Variants in GRM3 observed in about 807,000 individuals in gnomAD.
GRM3 encodes the protein glutamate metabotropic receptor 3, also known as metabotropic glutamate receptor 3.
GRM3 carries 26 observed loss-of-function variants against 70.5 expected under a neutral mutation model. The ratio of observed to expected loss-of-function variants is 0.37; its 90% CI spans 0.27 to 0.51. The LOEUF is 0.51. Ranked by LOEUF, GRM3 falls within the 20% of genes least tolerant of loss-of-function variation. The pLI is 0.93. For synonymous variants in GRM3, 443 were observed against 434.9 expected (o/e 1.02, Z -0.23); for missense variants, 859 against 1,123.8 (o/e 0.76, Z 3.37).
At chr7:86,711,782 T>C (rs1412863163) in intron 1 of GRM3, among the ~76,000 whole-genome samples, 1 of 152,084 alleles carries the variant, frequency 6.6e-6, no homozygotes, top group East Asian at 1.9e-4. Flanking sequence ...CCTACCTCCA[T>C]TACACATATA....
intron 1 of GRM3, among the ~76,000 whole-genome samples, chr7:86,675,796 A>T (rs1167342539): frequency 6.6e-6 from 1 of 152,044 alleles, no homozygotes; most frequent in Non-Finnish European, 1.5e-5. Context: ...GTATTTTAAA[A>T]TTTTCCATAG....
intron 4 of GRM3, among the ~76,000 whole-genome samples, chr7:86,849,858 A>C (rs1472984484): frequency 6.6e-6 from 1 of 152,164 alleles, no homozygotes; most frequent in Non-Finnish European, 1.5e-5. Flanking sequence ...TCCCCAACAA[A>C]GAATAGGGAA....
At chr7:86,649,599 C>T (rs1793558099) in intron 1 of GRM3, among the ~76,000 whole-genome samples, 2 of 151,830 alleles carry the variant, frequency 1.3e-5, no homozygotes, top group Admixed American at 1.3e-4. Flanking sequence ...ACTACACACA[C>T]ACATATTTGA....
intron 2 of GRM3, among the ~76,000 whole-genome samples, chr7:86,784,860 T>C (rs1797183636): frequency 6.6e-6 from 1 of 152,174 alleles, no homozygotes; most frequent in Admixed American, 6.5e-5. Context: ...ATAGAAGATA[T>C]TTTTGATAGC....
intron 1 of GRM3, among the ~76,000 whole-genome samples, chr7:86,727,888 C>G (rs1795628862): frequency 6.6e-6 from 1 of 152,138 alleles, no homozygotes; most frequent in African/African-American, 2.4e-5. Context: ...AGCTTTCATA[C>G]TACTAGGTCA....
At chr7:86,771,115 G>A (rs1252232125) in intron 2 of GRM3, among the ~76,000 whole-genome samples, 1 of 152,122 alleles carries the variant, frequency 6.6e-6, no homozygotes, top group African/African-American at 2.4e-5. Context: ...TAGCCTGGAA[G>A]GAGAGGGGTT....
intron 1 of GRM3, among the ~76,000 whole-genome samples, chr7:86,669,005 CT>C: frequency 6.6e-6 from 1 of 152,224 alleles, no homozygotes; most frequent in Middle Eastern, 3.4e-3. Context: ...TGGAAAGTTC[CT>C]GTCTTACTAT....
intron 1 of GRM3, among the ~76,000 whole-genome samples, chr7:86,657,293 T>A (rs802440): frequency 2.0e-5 from 3 of 151,992 alleles, no homozygotes; most frequent in Admixed American, 1.3e-4. Context: ...AGATGAGATA[T>A]GTGCATGTGT....
chr7:86,755,965 C>T (rs1289672018), intron 1 of GRM3, among the ~76,000 whole-genome samples: 1 of 152,124 alleles, frequency 6.6e-6, no homozygotes, highest in Non-Finnish European at 1.5e-5. Flanking sequence ...TCTGTATTAA[C>T]CCACATATTG....
intron 5 of GRM3, 97 bp from the exon 6 acceptor site, chr7:86,864,185 T>TC (rs1474699434): frequency 8.2e-6 from 6 of 731,958 alleles, no homozygotes; most frequent in East Asian, 2.5e-5. Flanking sequence ...TTCCCACCCT[T>TC]CCCCCCGAGT....
Position 86,864,580 on chromosome 7 carries a change from A to G in GRM3, c.*225A>G, listed in dbSNP as rs571051481. 1.5e-5 allele frequency: 6 copies of G among 392,688 alleles called. No homozygotes were observed. In the South Asian group the frequency reaches 2.7e-4, roughly 18 times the overall value. 24.3% of individuals were successfully genotyped at this position (392,688 alleles called of 1,614,324 possible). A position where few individuals can be genotyped will look rare whatever the true frequency, so the allele number is the denominator to read the frequency against. ...ATTCCCCCAGAACATGGAAATAACC[A>G]TTGTTTACAGAGCTGAGCATTGGTG... On this transcript the variant is annotated 3_prime_UTR_variant, in exon 6 of 6. Transcript: ENST00000361669.
At chr7:86,717,222 C>G (rs756849952) in intron 1 of GRM3, among the ~76,000 whole-genome samples, 4 of 151,958 alleles carry the variant, frequency 2.6e-5, no homozygotes, top group Non-Finnish European at 4.4e-5. Context: ...GAACAAATAG[C>G]ACTCATTTTA....
chr7:86,673,351 C>G (rs972097850), intron 1 of GRM3, among the ~76,000 whole-genome samples: 1 of 152,116 alleles, frequency 6.6e-6, no homozygotes, highest in Admixed American at 6.6e-5. Context: ...AATGATTCCT[C>G]TCAATTATCC....
chr7:86,836,000 T>C (rs1462182685), intron 3 of GRM3, among the ~76,000 whole-genome samples: 5 of 152,106 alleles, frequency 3.3e-5, no homozygotes, highest in Non-Finnish European at 5.9e-5. Flanking sequence ...TAAATACATA[T>C]AATTTTTAAA....
At chr7:86,760,883 C>T (rs1328694309) in intron 1 of GRM3, among the ~76,000 whole-genome samples, 2 of 152,092 alleles carry the variant, frequency 1.3e-5, no homozygotes, top group Non-Finnish European at 2.9e-5. Context: ...TTTTACATGA[C>T]ATTGTCATCC....
chr7:86,782,322 T>C lies in GRM3; in HGVS notation c.469-3939T>C, dbSNP rs555870925. The stretch of plus-strand genomic sequence containing the variant: ...GGGACAAACTCCATTCATCTGATTA[T>C]GGGGTGGTTTTTTTTTTTTGTATTC... On this transcript the variant is annotated intron_variant, in intron 2 of 5. Transcript: ENST00000361669. Among the ~76,000 whole-genome samples the C allele has an allele frequency of 1.2e-4, 15 of 121,358 alleles. No individual in the cohort carries two copies. In the East Asian group the frequency reaches 1.8e-3, roughly 15 times the overall value. 79.6% of individuals were successfully genotyped at this position (121,358 alleles called of 152,430 possible). A position where few individuals can be genotyped will look rare whatever the true frequency, so the allele number is the denominator to read the frequency against.
At position 86,644,308 on chromosome 7, in the gene GRM3, G is replaced by A. The variant is rs1793398795; in HGVS notation, c.-705G>A. On this transcript the variant is annotated 5_prime_UTR_variant, in exon 1 of 6. Transcript: ENST00000361669. ...GATATACCCTTATAAGAGGGAGGGT[G>A]GGGGAGGGAAAAGAACGAGAGAGGG... 3.7e-6 allele frequency: 1 copy of A among 270,144 alleles called. No homozygotes were observed. The highest frequency in any genetic ancestry group is 5.1e-5 in the Admixed American group (1 of 19,534). 16.7% of individuals were successfully genotyped at this position (270,144 alleles called of 1,614,324 possible).
At chr7:86,834,240 G>T (rs1009839141) in intron 3 of GRM3, among the ~76,000 whole-genome samples, 1 of 151,956 alleles carries the variant, frequency 6.6e-6, no homozygotes, top group Admixed American at 6.6e-5. Context: ...CTCTTCACTG[G>T]TGTTCACTTT....
intron 1 of GRM3, among the ~76,000 whole-genome samples, chr7:86,716,390 T>A (rs1163318400): frequency 2.0e-5 from 3 of 151,962 alleles, no homozygotes; most frequent in Non-Finnish European, 2.9e-5. Context: ...CTCAAATCAA[T>A]CCTTGGTTTG....
Sources: gnomAD v4.1 joint callset for allele counts (sites outside exome capture counted in the v4.1 genomes callset) on GRCh38, gnomAD v4.1.1 for gene constraint, MANE v1.5 for transcripts, NCBI Gene and HGNC (gene_info 2026-07-23, HGNC 2026-07-21) for gene names.